The following PHF21A variants were observed in gnomAD, a reference collection of about 807,000 sequenced individuals.
The protein encoded by PHF21A is PHD finger protein 21A.
PHF21A carries 11 observed loss-of-function variants against 82.5 expected under a neutral mutation model. That is an observed-to-expected ratio of 0.13 (90% CI 0.08 to 0.22). The LOEUF is 0.22. Among genes scored for constraint, PHF21A ranks in the 10% least tolerant of loss-of-function variants. The probability of loss-of-function intolerance (pLI) is 1.00; values close to 1 mark genes in which losing one functional copy is unlikely to be tolerated. For missense variants in PHF21A, 579 were observed against 837.8 expected, an observed-to-expected ratio of 0.69 and a Z score of 3.81; for synonymous variants, 297 against 302.8, an observed-to-expected ratio of 0.98 and a Z score of 0.20.
At chr11:45,979,603 G>A (rs2094192313) in intron 7 of PHF21A, among the ~76,000 whole-genome samples, 157 bp downstream of exon 7, 1 of 152,194 alleles carries the variant, frequency 6.6e-6, no homozygotes, top group African/African-American at 2.4e-5. Flanking sequence ...GATTACAAGT[G>A]ATACTTATCT....
At chr11:45,996,274 T>C (rs753366425) in intron 6 of PHF21A, among the ~76,000 whole-genome samples, 2 of 152,210 alleles carry the variant, frequency 1.3e-5, no homozygotes, top group African/African-American at 4.8e-5. Context: ...ATTAAAAACA[T>C]AGGATCTAGT....
chr11:45,983,779 G>A (rs1346227743), intron 6 of PHF21A, among the ~76,000 whole-genome samples: 6 of 152,112 alleles, frequency 3.9e-5, no homozygotes, highest in South Asian at 2.1e-4. Flanking sequence ...GAGGGACCCC[G>A]GATTTAGGTC....
chr11:45,980,077 A>C (rs956810663), intron 6 of PHF21A, 111 bp from the exon 7 acceptor site: 17 of 1,474,950 alleles, frequency 1.2e-5, no homozygotes, highest in Admixed American at 8.4e-5. Context: ...AAAACTTATT[A>C]CATCTAAATT....
intron 1 of PHF21A, among the ~76,000 whole-genome samples, chr11:46,119,077 GAA>G (rs1307838486): frequency 4.0e-5 from 6 of 148,378 alleles, no homozygotes; most frequent in Non-Finnish European, 8.9e-5. Flanking sequence ...GTGAACCTGT[GAA>G]AAGACTTCCT....
chr11:46,093,297 G>A (rs1457339898), intron 1 of PHF21A, among the ~76,000 whole-genome samples: 1 of 152,140 alleles, frequency 6.6e-6, no homozygotes, highest in East Asian at 1.9e-4. Flanking sequence ...TTTGTTGACT[G>A]ATATTACTCC....
At chr11:46,116,434 T>C (rs999443900) in intron 1 of PHF21A, 2 of 152,004 alleles carry the variant, frequency 1.3e-5, no homozygotes, top group African/African-American at 4.8e-5. Flanking sequence ...TCAATAAGAG[T>C]CTATAGAAGA....
At chr11:46,102,327 T>C (rs1169937307) in intron 1 of PHF21A, among the ~76,000 whole-genome samples, 1 of 152,248 alleles carries the variant, frequency 6.6e-6, no homozygotes, top group Non-Finnish European at 1.5e-5. Flanking sequence ...TTATTTTTCT[T>C]ACCAAACAAT....
intron 6 of PHF21A, among the ~76,000 whole-genome samples, chr11:45,998,901 C>T (rs1384364475): frequency 1.3e-5 from 2 of 151,958 alleles, no homozygotes; most frequent in African/African-American, 4.8e-5. Context: ...CAGCTCACTG[C>T]GGCCTCTGAC....
chr11:45,936,071 A>T (rs1226405802), intron 17 of PHF21A, among the ~76,000 whole-genome samples: 1 of 152,124 alleles, frequency 6.6e-6, no homozygotes, highest in Non-Finnish European at 1.5e-5. Context: ...TGAGCCCAGG[A>T]GTTTGAGACC....
At chr11:45,944,392 C>T (rs1303466549) in intron 15 of PHF21A, among the ~76,000 whole-genome samples, 2 of 152,108 alleles carry the variant, frequency 1.3e-5, no homozygotes, top group Admixed American at 6.5e-5. Context: ...TACATTGGTT[C>T]TTTGTACCAT....
In PHF21A at chr11:45,932,395, T is replaced by C. The variant is rs1165595819; in HGVS notation, c.*1573A>G. 2 of 152,116 alleles carry C rather than the reference T, an allele frequency of 1.3e-5. No homozygotes were observed. The highest frequency in any genetic ancestry group is 4.8e-5 in the African/African-American group (2 of 41,394). 9.4% of individuals were successfully genotyped at this position (152,116 alleles called of 1,614,324 possible). ...TTGGGCTTCACAACAGGAGACAAGA[T>C]CCCTGCACCAAGAAGAGAGCACGGT... On this transcript the variant is annotated 3_prime_UTR_variant, in exon 19 of 19. Transcript: ENST00000676320. This position sits in a 1 kb window ranked among gnomAD's most constrained non-coding sequence, Gnocchi z 4.3.
intron 1 of PHF21A, among the ~76,000 whole-genome samples, chr11:46,094,122 G>T (rs1220977763): frequency 3.9e-5 from 6 of 152,122 alleles, no homozygotes; most frequent in African/African-American, 1.4e-4. Flanking sequence ...ATGGGACTGG[G>T]ATTTTAACTT....
intron 10 of PHF21A, among the ~76,000 whole-genome samples, chr11:45,953,973 C>T (rs2135575939): frequency 6.6e-6 from 1 of 152,188 alleles, no homozygotes; most frequent in South Asian, 2.1e-4. Context: ...GGATAGTTGC[C>T]CAGAAGCAAG....
At chr11:46,044,142 T>A (rs925146908) in intron 6 of PHF21A, among the ~76,000 whole-genome samples, 2 of 152,084 alleles carry the variant, frequency 1.3e-5, no homozygotes, top group African/African-American at 4.8e-5. Context: ...CACTACTGTT[T>A]AAATGAGATA....
At chr11:46,053,321 T>G (rs2096398944) in intron 6 of PHF21A, among the ~76,000 whole-genome samples, 1 of 152,178 alleles carries the variant, frequency 6.6e-6, no homozygotes, top group Non-Finnish European at 1.5e-5. Flanking sequence ...TACTAACTTC[T>G]AGTCCTCTTT....
chr11:45,962,688 CT>C (rs66486473), intron 10 of PHF21A, among the ~76,000 whole-genome samples: 101,068 of 116,666 alleles, frequency 0.87, 44,338 homozygotes, highest in East Asian at 0.99. Flanking sequence ...GGTCAGGAGT[CT>C]GAGACCAGCC....
At chr11:46,005,772 C>T (rs909268104) in intron 6 of PHF21A, among the ~76,000 whole-genome samples, 7 of 152,128 alleles carry the variant, frequency 4.6e-5, no homozygotes, top group East Asian at 3.8e-4. Flanking sequence ...TAGCTCAAGA[C>T]GGATCATCCC....
rs180913920 is a variant in PHF21A at position 46,069,860 on chromosome 11, A to G, written c.153+6894T>C. Among the ~76,000 whole-genome samples the G allele has an allele frequency of 2.0e-5, 3 of 152,342 alleles. No individual in the cohort carries two copies. The East Asian group carries it at 5.8e-4, about 29-fold the overall frequency. ...TTTACACGTAAGATGAAAGTGTTAC[A>G]TATGAGATGAAGTTAACCACCATGA... On this transcript the variant is annotated intron_variant, in intron 6 of 18. Transcript: ENST00000676320.
rs1170717241 is a variant in PHF21A at position 45,996,240 on chromosome 11, T to C, written c.154-16274A>G. Among the ~76,000 whole-genome samples the C allele has an allele frequency of 2.0e-5, 3 of 152,330 alleles. No homozygotes were observed. The East Asian group carries it at 5.8e-4, about 29-fold the overall frequency. On this transcript the variant is annotated intron_variant, in intron 6 of 18. Transcript: ENST00000676320. ...CCATGCCTAGCCATTATTGTTTTTC[T>C]AACCTTTGATAATGTGGCATCCTAT...
Sources: gnomAD v4.1 joint callset for allele counts (sites outside exome capture counted in the v4.1 genomes callset) on GRCh38, gnomAD v4.1.1 for gene constraint, Gnocchi (gnomAD v3.1) non-coding constraint, MANE v1.5 for transcripts, NCBI Gene and HGNC (gene_info 2026-07-23, HGNC 2026-07-21) for gene names.